The following RAD51B variants were observed in gnomAD, a reference collection of about 807,000 sequenced individuals.
RAD51B encodes DNA repair protein RAD51 homolog 2.
RAD51B carries 38 observed loss-of-function variants against 42.2 expected under a neutral mutation model. The observed-to-expected ratio is 0.90, with a 90% CI of 0.70 to 1.18. The LOEUF is 1.18. Ranked by LOEUF, RAD51B falls within the 50% of genes most tolerant of loss-of-function variation. The pLI is 0.00. For missense variants in RAD51B, 373 were observed against 400.7 expected (o/e 0.93, Z 0.59); for synonymous variants, 154 against 145.2 (o/e 1.06, Z -0.43).
intron 7 of RAD51B, among the ~76,000 whole-genome samples, chr14:67,994,424 T>C (rs201002734): frequency 7.7e-4 from 118 of 152,344 alleles, no homozygotes; most frequent in Non-Finnish European, 1.5e-3. Flanking sequence ...AAGTTTTATC[T>C]TTAACTTATT....
At chr14:68,650,658 T>C in intron 10 of RAD51B, 1 of 621,544 alleles carries the variant, frequency 1.6e-6, no homozygotes, top group Non-Finnish European at 2.9e-6. Context: ...TAGCATCTAA[T>C]TCAAAACAAC....
At position 67,911,455 on chromosome 14, in the gene RAD51B, G is replaced by A. The variant is rs189219577; in HGVS notation, c.756+24251G>A. ...ATTTACTCGCAACTGGATGCATCCT[G>A]ATATGACATTCTGGAGTTGTTGTTT... On this transcript the variant is annotated intron_variant, in intron 7 of 10. Coordinates refer to ENST00000471583, the MANE Select transcript of RAD51B (RefSeq NM_133510.4). 2.1e-3 allele frequency among the ~76,000 whole-genome samples: 314 copies of A among 152,264 alleles called. 2 individuals carry two copies. Among genetic ancestry groups the A allele is most frequent in the Non-Finnish European group, 3.1e-3 (208 of 68,022 alleles).
At chr14:68,054,806 C>T (rs1313748106) in intron 7 of RAD51B, among the ~76,000 whole-genome samples, 1 of 152,118 alleles carries the variant, frequency 6.6e-6, no homozygotes, top group Non-Finnish European at 1.5e-5. Context: ...GCAAGACAAC[C>T]TGGGGCTTGT....
At position 68,466,013 on chromosome 14, in the gene RAD51B, C is replaced by T. The variant is rs894663771; in HGVS notation, c.958-2159C>T. 2.0e-5 allele frequency among the ~76,000 whole-genome samples: 3 copies of T among 151,642 alleles called. No individual in the cohort carries two copies. The East Asian group carries it at 5.8e-4, about 29-fold the overall frequency. ...AAATAAATTCACATTGAACCATCTC[C>T]GAACTGTCTCAGGCAGAAAGCAATC... On this transcript the variant is annotated intron_variant, in intron 9 of 10. Transcript: ENST00000471583.
chr14:68,489,567 C>T (rs1014063407), intron 10 of RAD51B, among the ~76,000 whole-genome samples: 2 of 152,144 alleles, frequency 1.3e-5, no homozygotes, highest in Non-Finnish European at 2.9e-5. Flanking sequence ...TTTTTTACCC[C>T]CTAAAGGCTT....
intron 10 of RAD51B, among the ~76,000 whole-genome samples, chr14:68,539,545 G>A (rs756917751): frequency 5.9e-5 from 9 of 152,210 alleles, no homozygotes; most frequent in Non-Finnish European, 8.8e-5. Flanking sequence ...CCATAGATGG[G>A]AGAGAAAAAT....
chr14:68,161,533 A>T (rs367657459), intron 7 of RAD51B, among the ~76,000 whole-genome samples: 1 of 152,182 alleles, frequency 6.6e-6, no homozygotes, highest in Non-Finnish European at 1.5e-5. Context: ...CAGGGACTGG[A>T]TTGAGAGTAG....
chr14:68,463,458 T>C (rs896713281), intron 9 of RAD51B, among the ~76,000 whole-genome samples: 1 of 152,130 alleles, frequency 6.6e-6, no homozygotes, highest in African/African-American at 2.4e-5. Context: ...AGAAAACTCA[T>C]AGTGAAAGCA....
chr14:68,314,624 A>G (rs2082021610), intron 8 of RAD51B, among the ~76,000 whole-genome samples: 1 of 152,138 alleles, frequency 6.6e-6, no homozygotes, highest in Non-Finnish European at 1.5e-5. Flanking sequence ...GTGCCACTTC[A>G]TTTCACACCA....
At chr14:68,021,245 GA>G (rs969724672) in intron 7 of RAD51B, among the ~76,000 whole-genome samples, 1 of 152,186 alleles carries the variant, frequency 6.6e-6, no homozygotes, top group Non-Finnish European at 1.5e-5. Context: ...CAGGGCAAAA[GA>G]GAGGGATAAA....
intron 7 of RAD51B, among the ~76,000 whole-genome samples, chr14:68,022,111 G>A (rs934939500): frequency 2.0e-5 from 3 of 152,160 alleles, no homozygotes; most frequent in Non-Finnish European, 2.9e-5. Context: ...AGTCCACAGT[G>A]TCTATTGTTC....
chr14:68,180,782 A>C (rs1266105066), intron 7 of RAD51B, among the ~76,000 whole-genome samples: 1 of 152,200 alleles, frequency 6.6e-6, no homozygotes, highest in African/African-American at 2.4e-5. Flanking sequence ...GCTGAGTTAT[A>C]CTTCAAGATG....
At chr14:67,919,799 T>G (rs1046948713) in intron 7 of RAD51B, among the ~76,000 whole-genome samples, 19 of 152,214 alleles carry the variant, frequency 1.2e-4, no homozygotes, top group African/African-American at 4.6e-4. Flanking sequence ...TTTCTCCCCT[T>G]CAGTTCTCTG....
intron 7 of RAD51B, among the ~76,000 whole-genome samples, chr14:68,096,175 G>A (rs189911864): frequency 6.4e-4 from 97 of 152,028 alleles, no homozygotes; most frequent in Non-Finnish European, 1.2e-3. Context: ...TCTTCATTAC[G>A]CTCCTCAATC....
chr14:68,124,010 ACT>A (rs1450160271), intron 7 of RAD51B, among the ~76,000 whole-genome samples: 7 of 151,896 alleles, frequency 4.6e-5, no homozygotes, highest in Admixed American at 1.3e-4. Context: ...AGCTCCCTGG[ACT>A]CTCTGTGCAT....
chr14:67,989,618 A>T (rs1457431798), intron 7 of RAD51B, among the ~76,000 whole-genome samples: 3 of 145,524 alleles, frequency 2.1e-5, no homozygotes, highest in Admixed American at 7.0e-5. Flanking sequence ...CTGGGCAACA[A>T]GAGCGAAACT....
At chr14:68,181,908 C>A (rs1430193314) in intron 7 of RAD51B, among the ~76,000 whole-genome samples, 2 of 152,150 alleles carry the variant, frequency 1.3e-5, no homozygotes, top group Admixed American at 6.5e-5. Context: ...TCTTATATGC[C>A]TAATAATTTC....
intron 8 of RAD51B, among the ~76,000 whole-genome samples, chr14:68,301,592 G>GTTTTTTTTTTTTTTT (rs139865933): frequency 9.1e-6 from 1 of 109,754 alleles, no homozygotes; most frequent in Non-Finnish European, 1.9e-5. Flanking sequence ...TTGTTTGTGT[G>GTTTTTTTTTTTTTTT]TTTTTTTTTT....
At chr14:68,154,627 C>T (rs907363177) in intron 7 of RAD51B, among the ~76,000 whole-genome samples, 1 of 152,090 alleles carries the variant, frequency 6.6e-6, no homozygotes, top group Non-Finnish European at 1.5e-5. Context: ...CACCTGTGTT[C>T]CCTCTTCATG....
Sources: gnomAD v4.1 joint callset for allele counts (sites outside exome capture counted in the v4.1 genomes callset) on GRCh38, gnomAD v4.1.1 for gene constraint, MANE v1.5 for transcripts, NCBI Gene and HGNC (gene_info 2026-07-23, HGNC 2026-07-21) for gene names.